The following LRMDA variants were observed in gnomAD, a reference collection of about 807,000 sequenced individuals.
The protein encoded by LRMDA is leucine-rich melanocyte differentiation-associated protein.
A neutral mutation model predicts 29.8 loss-of-function variants in LRMDA; 18 were observed. The ratio of observed to expected loss-of-function variants is 0.60; its 90% CI spans 0.42 to 0.90. The LOEUF (loss-of-function observed/expected upper bound fraction) is 0.90, where lower values mean the gene tolerates loss of function less well. Ranked by LOEUF, LRMDA falls within the 40% of genes least tolerant of loss-of-function variation. The pLI is 0.00. For synonymous variants in LRMDA, 125 were observed against 109.4 expected, an observed-to-expected ratio of 1.14 and a Z score of -0.89; for missense variants, 273 against 273.9, an observed-to-expected ratio of 1.00 and a Z score of 0.02.
At chr10:76,519,642 A>G (rs1589223149) in intron 6 of LRMDA, among the ~76,000 whole-genome samples, 1 of 152,194 alleles carries the variant, frequency 6.6e-6, no homozygotes, top group Non-Finnish European at 1.5e-5. Context: ...TGAAACTTCT[A>G]CCAACAGAGT....
intron 2 of LRMDA, among the ~76,000 whole-genome samples, chr10:75,829,714 A>G (rs982888957): frequency 3.3e-5 from 5 of 151,928 alleles, no homozygotes; most frequent in Admixed American, 3.3e-4. Flanking sequence ...CCTGGCTTGT[A>G]TATTCTTTAG....
chr10:75,727,720 C>CT (rs2132194477), intron 2 of LRMDA, among the ~76,000 whole-genome samples: 1 of 152,118 alleles, frequency 6.6e-6, no homozygotes, highest in Non-Finnish European at 1.5e-5. Context: ...CAGTTAATTC[C>CT]TTTTCTATTT....
chr10:75,505,603 C>T (rs1295969265), intron 2 of LRMDA, among the ~76,000 whole-genome samples: 1 of 152,162 alleles, frequency 6.6e-6, no homozygotes, highest in Non-Finnish European at 1.5e-5. Context: ...GACTTCCCTC[C>T]ATGAACCCTT....
chr10:76,085,125 A>G (rs1265243011), intron 5 of LRMDA, among the ~76,000 whole-genome samples: 1 of 152,166 alleles, frequency 6.6e-6, no homozygotes, highest in African/African-American at 2.4e-5. Context: ...TATGCTCATT[A>G]TATCTGTATT....
At chr10:75,537,892 C>G (rs981332711) in intron 2 of LRMDA, among the ~76,000 whole-genome samples, 1 of 152,184 alleles carries the variant, frequency 6.6e-6, no homozygotes, top group African/African-American at 2.4e-5. Flanking sequence ...TCTTTCTGTC[C>G]TCCATCAAGT....
intron 5 of LRMDA, among the ~76,000 whole-genome samples, chr10:76,166,069 G>A (rs1286491762): frequency 6.6e-6 from 1 of 152,224 alleles, no homozygotes; most frequent in East Asian, 1.9e-4. Flanking sequence ...GCAGGATTCA[G>A]TGTCAGATAA....
At chr10:75,942,269 TC>T (rs1258310090) in intron 2 of LRMDA, among the ~76,000 whole-genome samples, 1 of 152,194 alleles carries the variant, frequency 6.6e-6, no homozygotes, top group Non-Finnish European at 1.5e-5. Flanking sequence ...TTGTGCCACC[TC>T]ACCCCAGATG....
intron 5 of LRMDA, among the ~76,000 whole-genome samples, chr10:76,216,125 A>T (rs923961053): frequency 1.3e-5 from 2 of 152,232 alleles, no homozygotes; most frequent in Admixed American, 1.3e-4. Context: ...AGGCCAACAC[A>T]GGAAGATTGC....
chr10:75,538,726 G>T (rs1027282167), intron 2 of LRMDA, among the ~76,000 whole-genome samples: 1 of 152,150 alleles, frequency 6.6e-6, no homozygotes, highest in African/African-American at 2.4e-5. Context: ...ATTTCAACAA[G>T]CAAGTATTAG....
At chr10:76,287,421 C>T (rs11816455) in intron 5 of LRMDA, among the ~76,000 whole-genome samples, 6,863 of 152,162 alleles carry the variant, frequency 0.045, 456 homozygotes, top group African/African-American at 0.14. Flanking sequence ...AATGCTCCTA[C>T]TGTATAACAC....
intron 6 of LRMDA, among the ~76,000 whole-genome samples, chr10:76,551,920 A>T (rs971507276): frequency 2.0e-5 from 3 of 152,170 alleles, no homozygotes; most frequent in Non-Finnish European, 4.4e-5. Flanking sequence ...TCTCATACAG[A>T]TGAGAGAACA....
intron 2 of LRMDA, among the ~76,000 whole-genome samples, chr10:75,702,713 A>G (rs1053216658): frequency 2.0e-5 from 3 of 152,256 alleles, no homozygotes; most frequent in Non-Finnish European, 4.4e-5. Context: ...AAAAACAAAT[A>G]AAAGATGTAA....
intron 6 of LRMDA, among the ~76,000 whole-genome samples, chr10:76,413,078 C>T (rs975379096): frequency 1.3e-5 from 2 of 152,162 alleles, no homozygotes; most frequent in African/African-American, 2.4e-5. Context: ...ATGCCACTCT[C>T]TCGATGCTTC....
chr10:76,095,418 T>C (rs1195303404), intron 5 of LRMDA, among the ~76,000 whole-genome samples: 2 of 152,256 alleles, frequency 1.3e-5, no homozygotes, highest in Non-Finnish European at 2.9e-5. Flanking sequence ...TGATTATGAA[T>C]AAAGCTGCTA....
intron 2 of LRMDA, among the ~76,000 whole-genome samples, chr10:75,550,996 C>T (rs2132054564): frequency 6.6e-6 from 1 of 151,912 alleles, no homozygotes; most frequent in East Asian, 1.9e-4. Flanking sequence ...ATGTTATAAA[C>T]TCTACTGATC....
chr10:75,783,843 C>A (rs1327820755), intron 2 of LRMDA, among the ~76,000 whole-genome samples: 2 of 152,166 alleles, frequency 1.3e-5, no homozygotes, highest in Admixed American at 1.3e-4. Context: ...TGCCCCAAAC[C>A]AGCCAAGATG....
intron 2 of LRMDA, among the ~76,000 whole-genome samples, chr10:75,543,320 A>T (rs1025518185): frequency 7.2e-5 from 11 of 152,254 alleles, no homozygotes; most frequent in African/African-American, 2.7e-4. Context: ...ATTCTATTAT[A>T]TAAGCCCTGT....
intron 1 of LRMDA, among the ~76,000 whole-genome samples, chr10:75,433,197 A>C (rs1006225909): frequency 1.3e-5 from 2 of 151,896 alleles, no homozygotes; most frequent in African/African-American, 4.8e-5. Context: ...TGCCCCCCAG[A>C]CCCTAGGTCT....
intron 2 of LRMDA, among the ~76,000 whole-genome samples, chr10:75,707,257 G>A (rs888065350): frequency 1.3e-5 from 2 of 152,220 alleles, no homozygotes; most frequent in Non-Finnish European, 2.9e-5. Context: ...GTCAGATGGG[G>A]AGAAAAGAGA....
Sources: allele counts gnomAD v4.1 joint callset (sites outside exome capture counted in the v4.1 genomes callset), GRCh38; gene constraint gnomAD v4.1.1; transcripts MANE v1.5; gene names NCBI Gene and HGNC (gene_info 2026-07-23, HGNC 2026-07-21).